PLPPR1: variants seen among roughly 807,000 people sequenced by gnomAD.
PLPPR1 encodes the protein phospholipid phosphatase-related protein type 1.
In PLPPR1, 10 loss-of-function variants were observed where a neutral mutation model predicts 33.1. The ratio of observed to expected loss-of-function variants is 0.30; its 90% CI spans 0.19 to 0.51. The LOEUF (loss-of-function observed/expected upper bound fraction) is 0.51, where lower values mean the gene tolerates loss of function less well. Among genes scored for constraint, PLPPR1 ranks in the 20% least tolerant of loss-of-function variants. PLPPR1 has a pLI of 0.97. For synonymous variants in PLPPR1, 151 were observed against 151.0 expected, an observed-to-expected ratio of 1.00 and a Z score of 0.00; for missense variants, 304 against 408.1, an observed-to-expected ratio of 0.74 and a Z score of 2.20.
chr9:101,247,773 G>C (rs1827639764), intron 2 of PLPPR1, among the ~76,000 whole-genome samples: 1 of 152,002 alleles, frequency 6.6e-6, no homozygotes, highest in Non-Finnish European at 1.5e-5. Flanking sequence ...CAGGTAGAGG[G>C]ATGTGTCTTT....
At chr9:101,251,622 G>A (rs1384614048) in intron 2 of PLPPR1, among the ~76,000 whole-genome samples, 1 of 108,158 alleles carries the variant, frequency 9.2e-6, no homozygotes, top group African/African-American at 5.3e-5. Context: ...CTCCTTTTTT[G>A]AGTTTCACCT....
chr9:101,152,743 G>A (rs1368789668), intron 1 of PLPPR1, among the ~76,000 whole-genome samples: 1 of 152,124 alleles, frequency 6.6e-6, no homozygotes, highest in Non-Finnish European at 1.5e-5. Context: ...GCTCTGTTCT[G>A]TTCCATTGGT....
At chr9:101,102,093 C>CT (rs397937393) in intron 1 of PLPPR1, among the ~76,000 whole-genome samples, 23,621 of 71,820 alleles carry the variant, frequency 0.33, 4,303 homozygotes, top group Non-Finnish European at 0.37. Flanking sequence ...GTAGGAACAA[C>CT]TTTTTTTTTT....
At chr9:101,263,664 C>A (rs1352011391) in intron 2 of PLPPR1, among the ~76,000 whole-genome samples, 1 of 152,160 alleles carries the variant, frequency 6.6e-6, no homozygotes, top group Admixed American at 6.5e-5. Flanking sequence ...CTAGGCCACA[C>A]AAATTTGAGT....
intron 4 of PLPPR1, among the ~76,000 whole-genome samples, chr9:101,300,657 T>C (rs1342994187): frequency 1.3e-5 from 2 of 152,154 alleles, no homozygotes; most frequent in African/African-American, 4.8e-5. Context: ...CTTACAAACA[T>C]GGAATCACAA....
chr9:101,094,907 A>T lies in PLPPR1; in HGVS notation c.-46+65805A>T, dbSNP rs189273602. Among the ~76,000 whole-genome samples the T allele has an allele frequency of 6.6e-5, 10 of 152,192 alleles. No individual in the cohort carries two copies. In the East Asian group the frequency reaches 1.7e-3, roughly 27 times the overall value. On this transcript the variant is annotated intron_variant, in intron 1 of 7. Transcript: ENST00000374874. Reference sequence around the variant, plus strand: ...TTCAGTCTATCTCCATTCTAGAAACAATCTGATATTAGGCAGGAAGTTTCA... The same window carrying T: ...TTCAGTCTATCTCCATTCTAGAAACTATCTGATATTAGGCAGGAAGTTTCA...
chr9:101,043,971 A>C (rs1830114375), intron 1 of PLPPR1, among the ~76,000 whole-genome samples: 1 of 152,168 alleles, frequency 6.6e-6, no homozygotes, highest in African/African-American at 2.4e-5. Context: ...TTCATGACCA[A>C]GAACCCAAAA....
chr9:101,063,736 G>T (rs1183379509), intron 1 of PLPPR1, among the ~76,000 whole-genome samples: 2 of 151,872 alleles, frequency 1.3e-5, no homozygotes, highest in Admixed American at 6.6e-5. Flanking sequence ...CAATCTTAAG[G>T]TTTTTCTTAA....
At chr9:101,047,513 T>C (rs974399488) in intron 1 of PLPPR1, among the ~76,000 whole-genome samples, 3 of 152,238 alleles carry the variant, frequency 2.0e-5, no homozygotes, top group African/African-American at 4.8e-5. Flanking sequence ...CTTATTGTGG[T>C]GCATATTCTG....
At chr9:101,270,122 CT>C in intron 3 of PLPPR1, 54 bp downstream of exon 3, 1 of 1,483,546 alleles carries the variant, frequency 6.7e-7, no homozygotes. Flanking sequence ...AGAATATTTT[CT>C]GTCTGCTTTT....
At chr9:101,042,719 A>G (rs1259464627) in intron 1 of PLPPR1, among the ~76,000 whole-genome samples, 2 of 152,368 alleles carry the variant, frequency 1.3e-5, no homozygotes, top group Admixed American at 1.3e-4. Flanking sequence ...AAGTTTAATG[A>G]AATTATAATT....
At chr9:101,033,100 G>A (rs1466642120) in intron 1 of PLPPR1, among the ~76,000 whole-genome samples, 1 of 152,152 alleles carries the variant, frequency 6.6e-6, no homozygotes, top group Non-Finnish European at 1.5e-5. Flanking sequence ...GATCATCTGT[G>A]TTCCAGCCAT....
intron 2 of PLPPR1, among the ~76,000 whole-genome samples, chr9:101,263,128 A>G (rs1827930500): frequency 6.6e-6 from 1 of 152,206 alleles, no homozygotes; most frequent in African/African-American, 2.4e-5. Context: ...CATTCTGCAC[A>G]TGTATCCCAG....
chr9:101,233,813 C>T (rs1341175162), intron 2 of PLPPR1, among the ~76,000 whole-genome samples: 1 of 151,872 alleles, frequency 6.6e-6, no homozygotes, highest in African/African-American at 2.4e-5. Context: ...ATCTCAGGAC[C>T]TCAGTTATTC....
chr9:101,226,832 G>T (rs1827080262), intron 2 of PLPPR1, among the ~76,000 whole-genome samples: 1 of 152,058 alleles, frequency 6.6e-6, no homozygotes, highest in African/African-American at 2.4e-5. Flanking sequence ...TGTCCTTGAG[G>T]GCCAGAAGGG....
chr9:101,238,336 T>C (rs1827373353), intron 2 of PLPPR1, among the ~76,000 whole-genome samples: 2 of 110,494 alleles, frequency 1.8e-5, no homozygotes, highest in African/African-American at 3.9e-5. Flanking sequence ...TATATACCTC[T>C]CTATATATAG....
At chr9:101,092,594 C>T (rs1564142433) in intron 1 of PLPPR1, among the ~76,000 whole-genome samples, 2 of 152,120 alleles carry the variant, frequency 1.3e-5, no homozygotes, top group South Asian at 2.1e-4. Context: ...TTCCAGGGGC[C>T]CTTACTCCCT....
intron 3 of PLPPR1, among the ~76,000 whole-genome samples, chr9:101,278,414 T>C (rs890043285): frequency 6.6e-6 from 1 of 152,154 alleles, no homozygotes; most frequent in Non-Finnish European, 1.5e-5. Context: ...AAAATAGTAA[T>C]ACCTTCACAA....
chr9:101,257,164 T>C (rs188473284), intron 2 of PLPPR1, among the ~76,000 whole-genome samples: 71 of 152,220 alleles, frequency 4.7e-4, no homozygotes, highest in African/African-American at 1.6e-3. Flanking sequence ...TCTGTCAAAT[T>C]GAGTTTAACC....
Sources: gnomAD v4.1 joint callset for allele counts (sites outside exome capture counted in the v4.1 genomes callset) on GRCh38, gnomAD v4.1.1 for gene constraint, MANE v1.5 for transcripts, NCBI Gene and HGNC (gene_info 2026-07-23, HGNC 2026-07-21) for gene names.